CSF2RB: variants seen among roughly 807,000 people sequenced by gnomAD.
The protein encoded by CSF2RB is cytokine receptor common subunit beta.
A neutral mutation model predicts 67.2 loss-of-function variants in CSF2RB; 22 were observed. The ratio of observed to expected loss-of-function variants is 0.33; its 90% CI spans 0.23 to 0.47. The LOEUF (loss-of-function observed/expected upper bound fraction) is 0.47, where lower values mean the gene tolerates loss of function less well. CSF2RB is among the 20% of genes least tolerant of loss of function. The pLI is 1.00. For missense variants in CSF2RB, 1,113 were observed against 1,174.5 expected (o/e 0.95, Z 0.76); for synonymous variants, 507 against 482.9 (o/e 1.05, Z -0.65).
At position 36,923,381 on chromosome 22, in the gene CSF2RB, GGGGCAGGGGCCAC is replaced by G; in HGVS notation, c.200+25_200+37del. The G allele has an allele frequency of 6.2e-7, 1 of 1,613,024 alleles. No homozygotes were observed. The highest frequency in any genetic ancestry group is 2.2e-5 in the East Asian group (1 of 44,780). On this transcript the variant is annotated intron_variant, in intron 3 of 13. Coordinates refer to ENST00000403662, the MANE Select transcript of CSF2RB (RefSeq NM_000395.3). ...CCGGGTGAATGAGTGAGTGATGCTG[GGGGCAGGGGCCAC>G]GGGCAGGGGCTACGACGTCCCCTGT...
At chr22:36,921,337 G>A (rs1367551328) in intron 1 of CSF2RB, among the ~76,000 whole-genome samples, 1 of 151,658 alleles carries the variant, frequency 6.6e-6, no homozygotes, top group African/African-American at 2.4e-5. Context: ...CTGTGTGTGT[G>A]TCTGTGTGTG....
rs900313802 is a variant in CSF2RB, at chr22:36,938,636, C to T, written c.*134C>T. 2.1e-6 allele frequency: 2 copies of T among 956,592 alleles called. No homozygotes were observed. Among genetic ancestry groups the T allele is most frequent in the African/African-American group, 1.7e-5 (1 of 60,346 alleles). 59.3% of individuals were successfully genotyped at this position (956,592 alleles called of 1,614,324 possible). On this transcript the variant is annotated 3_prime_UTR_variant, in exon 14 of 14. Coordinates refer to ENST00000403662, the MANE Select transcript of CSF2RB (RefSeq NM_000395.3). ...GCTAGAGGCCTGGGAAAGGAGATAGCCTTGCTCCGGCCCCCTTGACCTTCA... is the reference window on the plus strand; with the variant it reads ...GCTAGAGGCCTGGGAAAGGAGATAGTCTTGCTCCGGCCCCCTTGACCTTCA...
rs768322651 is a variant in CSF2RB, at chr22:36,937,680, G to A, written c.1872G>A (p.Gly624=). The A allele has an allele frequency of 1.7e-5, 27 of 1,554,438 alleles. 1 individual carries two copies. In the South Asian group the frequency reaches 2.9e-4, roughly 17 times the overall value. Residue 624 remains glycine (G), a synonymous_variant, in exon 14 of 14, where the codon GGG becomes GGA. Transcript: ENST00000403662. This position sits in a 1 kb window ranked among gnomAD's most constrained non-coding sequence, Gnocchi z 4.6. The part of the protein sequence containing the change: ...EGGSQKSPPP[G]SLEYLCLPAG... Reference sequence around the variant, plus strand: ...GGAGCCAGAAGTCCCCACCTCCAGGGTCCCTGGAGTACCTGTGTCTGCCTG... The same window carrying A: ...GGAGCCAGAAGTCCCCACCTCCAGGATCCCTGGAGTACCTGTGTCTGCCTG...
At position 36,935,417 on chromosome 22, in the gene CSF2RB, G is replaced by A. The variant is rs374434773; in HGVS notation, c.1382G>A (p.Arg461His). ...FLTIAVLLALRFCGIYGYRLR... is the reference protein window; with the variant it reads ...FLTIAVLLALHFCGIYGYRLR... ...ACCATCGCTGTGCTCCTGGCCCTCC[G>A]CTTCTGTGGCATCTACGGGTACAGG... The change falls in exon 11 of 14, where the codon CGC (arginine) becomes CAC (histidine). Residue 461 changes from arginine (R) to histidine (H), a missense_variant. Coordinates refer to ENST00000403662, the MANE Select transcript of CSF2RB (RefSeq NM_000395.3). 96 of 1,614,010 alleles carry A rather than the reference G, an allele frequency of 5.9e-5. No individual in the cohort carries two copies. The highest frequency in any genetic ancestry group is 7.3e-5 in the Non-Finnish European group (86 of 1,180,050).
At position 36,930,760 on chromosome 22, in the gene CSF2RB, G is replaced by A. The variant is rs138918081; in HGVS notation, c.942G>A (p.Ala314=). ...HHCQIPVPDP[A]THGQYIVSVQ... is the part of the protein sequence containing the mutation. ...GCCAGATTCCCGTGCCCGACCCCGC[G>A]ACCCACGGCCAATACATCGTCTCTG... Residue 314 remains alanine (A), a synonymous_variant, in exon 8 of 14, where the codon GCG becomes GCA. Transcript: ENST00000403662. The A allele has an allele frequency of 9.4e-5, 151 of 1,613,828 alleles. No homozygotes were observed. Among genetic ancestry groups the A allele is most frequent in the Non-Finnish European group, 1.2e-4 (140 of 1,180,024 alleles).
rs2228092 is a variant in CSF2RB, at chr22:36,938,238, C to A, written c.2430C>A (p.Pro810=). 13,184 of 1,614,138 alleles carry A rather than the reference C, an allele frequency of 8.2e-3. 267 individuals are homozygous for A. Among genetic ancestry groups the A allele is most frequent in the African/African-American group, 0.046 (3,433 of 75,036 alleles). ...ATGTGTCCCCAACATCCCCACAGCC[C>A]GAGGGCCTCCTTGTCCTGCAGCAAG... is the stretch of plus-strand genomic sequence containing the variant. ...PADVSPTSPQ[P]EGLLVLQQVG... is the part of the protein sequence containing the mutation. Residue 810 remains proline (P), a synonymous_variant, in exon 14 of 14, where the codon CCC becomes CCA. Coordinates refer to ENST00000403662, the MANE Select transcript of CSF2RB (RefSeq NM_000395.3).
Position 36,930,442 on chromosome 22 carries a change from G to A in CSF2RB, c.786G>A (p.Trp262Ter), listed in dbSNP as rs779207096. 2 of 1,613,802 alleles carry A rather than the reference G, an allele frequency of 1.2e-6. No homozygotes were observed. Among genetic ancestry groups the A allele is most frequent in the Admixed American group, 1.7e-5 (1 of 60,024 alleles). ...FDGAAVLSCSWEVRKEVASSV... is the reference protein window; with the variant it reads ...FDGAAVLSCS The stretch of plus-strand genomic sequence containing the variant: ...GGGCCGCCGTGCTCAGCTGCTCCTG[G>A]GAGGTGAGGAAGGAGGTGGCCAGCT... Residue 262 changes from tryptophan to a stop codon, truncating the protein, a stop_gained, in exon 7 of 14, where the codon TGG (tryptophan) becomes TGA (stop). Transcript: ENST00000403662. LOFTEE classifies it high-confidence loss of function.
intron 8 of CSF2RB, among the ~76,000 whole-genome samples, chr22:36,932,119 A>G (rs943255765): frequency 6.6e-6 from 1 of 152,222 alleles, no homozygotes; most frequent in African/African-American, 2.4e-5. Context: ...TTCATGTAGA[A>G]TAAGTATGTA....
chr22:36,921,119 CTCTGTGTGTGAATT>C (rs1199687103), intron 1 of CSF2RB, among the ~76,000 whole-genome samples: 4 of 139,990 alleles, frequency 2.9e-5, no homozygotes, highest in Non-Finnish European at 6.3e-5. Flanking sequence ...GTATGTGTGC[CTCTGTGTGTGAATT>C]TCTGTGTATG....
At position 36,938,549 on chromosome 22, in the gene CSF2RB, C is replaced by T; in HGVS notation, c.*47C>T. 2 of 1,560,416 alleles carry T rather than the reference C, an allele frequency of 1.3e-6. No individual in the cohort carries two copies. The highest frequency in any genetic ancestry group is 1.7e-6 in the Non-Finnish European group (2 of 1,152,426). ...AAGGGGATGGAGAGGGCTTGCCTTC[C>T]CTCCCGCCTGACCTTCCTCAGTCAT... On this transcript the variant is annotated 3_prime_UTR_variant, in exon 14 of 14. Coordinates refer to ENST00000403662, the MANE Select transcript of CSF2RB (RefSeq NM_000395.3).
chr22:36,929,272 G>T (rs902508678), intron 4 of CSF2RB, 130 bp from the exon 5 acceptor site: 23 of 1,221,316 alleles, frequency 1.9e-5, no homozygotes, highest in African/African-American at 4.5e-5. Context: ...GACGGGTCTT[G>T]CTCAAGGTCC....
In CSF2RB at chr22:36,929,678, C is replaced by T; in HGVS notation, c.589C>T (p.Leu197=). Residue 197 remains leucine (L), a synonymous_variant, in exon 6 of 14, where the codon CTG becomes TTG. Transcript: ENST00000403662. ...CCTCTCCAACACCTCCCAGGCCACC[C>T]TGGGGCCAGAGCACCTCATGCCCAG... ...ILLSNTSQAT[L]GPEHLMPSST... 6.2e-7 allele frequency: 1 copy of T among 1,614,222 alleles called. No individual in the cohort carries two copies.
In CSF2RB at chr22:36,938,002, C is replaced by T; in HGVS notation, c.2194C>T (p.Pro732Ser). 1 of 1,614,146 alleles carries T rather than the reference C, an allele frequency of 6.2e-7. No homozygotes were observed. Among genetic ancestry groups the T allele is most frequent in the Non-Finnish European group, 8.5e-7 (1 of 1,180,010 alleles). ...NSGASSVSLVPSLGLPSDQTP... is the reference protein window; with the variant it reads ...NSGASSVSLVSSLGLPSDQTP... Reference sequence around the variant, plus strand: ...AGGGGCCTCGTCTGTCTCCCTAGTTCCCTCTCTGGGCCTCCCCTCAGACCA... The same window carrying T: ...AGGGGCCTCGTCTGTCTCCCTAGTTTCCTCTCTGGGCCTCCCCTCAGACCA... Residue 732 changes from proline to serine, a missense_variant, in exon 14 of 14, where the codon CCC (proline) becomes TCC (serine). Transcript: ENST00000403662.
chr22:36,939,219 C>T lies in CSF2RB; in HGVS notation c.*717C>T, dbSNP rs929934494. On this transcript the variant is annotated 3_prime_UTR_variant, in exon 14 of 14. Transcript: ENST00000403662. ...AGTTGTCTCAGTGATGTCTGTGGGACCTCCAGTCCCTTGAGACCCCACGTC... is the reference window on the plus strand; with the variant it reads ...AGTTGTCTCAGTGATGTCTGTGGGATCTCCAGTCCCTTGAGACCCCACGTC... The T allele has an allele frequency of 2.8e-6, 2 of 702,310 alleles. No individual in the cohort carries two copies. The highest frequency in any genetic ancestry group is 5.2e-6 in the Non-Finnish European group (2 of 384,838). The allele number at this position is 702,310 out of a possible 1,614,324, so 43.5% of individuals were successfully genotyped here. A position where few individuals can be genotyped will look rare whatever the true frequency, so the allele number is the denominator to read the frequency against.
In CSF2RB at chr22:36,933,821, C is replaced by A. The variant is rs1375529041; in HGVS notation, c.1153-11C>A. The A allele has an allele frequency of 6.2e-7, 1 of 1,603,188 alleles. No individual in the cohort carries two copies. On this transcript the variant is annotated splice_polypyrimidine_tract_variant and intron_variant, in intron 9 of 13. Coordinates refer to ENST00000403662, the MANE Select transcript of CSF2RB (RefSeq NM_000395.3). ...ACCGGGCCAGGCCTCACCCTCAGTG[C>A]CAACCCACAGGACAGCAAGACCGAG...
At chr22:36,915,796 C>T (rs897267578) in intron 1 of CSF2RB, among the ~76,000 whole-genome samples, 5 of 152,172 alleles carry the variant, frequency 3.3e-5, no homozygotes, top group Non-Finnish European at 4.4e-5. Context: ...TATCAATCTT[C>T]TAATTTTGTC....
intron 10 of CSF2RB, among the ~76,000 whole-genome samples, chr22:36,934,998 C>T (rs1035655301): frequency 6.6e-5 from 10 of 152,258 alleles, no homozygotes; most frequent in African/African-American, 1.4e-4. Flanking sequence ...ACCTCTAATC[C>T]TTCCTATTAC....
chr22:36,925,255 C>T (rs1940985245), intron 3 of CSF2RB, among the ~76,000 whole-genome samples: 1 of 152,212 alleles, frequency 6.6e-6, no homozygotes, highest in African/African-American at 2.4e-5. Flanking sequence ...TCAAGCAGAA[C>T]ATGAATCTCA....
At position 36,935,390 on chromosome 22, in the gene CSF2RB, T is replaced by A; in HGVS notation, c.1355T>A (p.Leu452His). ...GTGCTGGCCCTCATCGTGATCTTCC[T>A]CACCATCGCTGTGCTCCTGGCCCTC... ...MWVLALIVIF[L>H]TIAVLLALRF... Residue 452 changes from leucine to histidine, a missense_variant, in exon 11 of 14, where the codon CTC becomes CAC. Physicochemically the swap from Leu to His is moderately conservative, Grantham distance 99. Transcript: ENST00000403662. 1 of 1,614,190 alleles carries A rather than the reference T, an allele frequency of 6.2e-7. No homozygotes were observed. Among genetic ancestry groups the A allele is most frequent in the Non-Finnish European group, 8.5e-7 (1 of 1,180,028 alleles).
Sources: allele counts gnomAD v4.1 joint callset (sites outside exome capture counted in the v4.1 genomes callset), GRCh38; gene constraint gnomAD v4.1.1; non-coding constraint Gnocchi (gnomAD v3.1); transcripts MANE v1.5; gene names NCBI Gene and HGNC (gene_info 2026-07-23, HGNC 2026-07-21).